GFUS: variants seen among roughly 807,000 people sequenced by gnomAD.
The protein encoded by GFUS is 3-5 epimerase/4-reductase.
In GFUS, 42 loss-of-function variants were observed where a neutral mutation model predicts 41.5. That is an observed-to-expected ratio of 1.01 (90% confidence interval 0.79 to 1.31). The LOEUF (loss-of-function observed/expected upper bound fraction) is 1.31. Among genes scored for constraint, GFUS ranks in the 50% most tolerant of loss-of-function variants. The probability of loss-of-function intolerance (pLI) is 0.00; values close to 1 mark genes in which losing one functional copy is unlikely to be tolerated. For missense variants in GFUS, 437 were observed against 428.7 expected (o/e 1.02, Z -0.17); for synonymous variants, 188 against 173.4 (o/e 1.08, Z -0.66).
At position 143,616,708 on chromosome 8, in the gene GFUS, C is replaced by T. The variant is rs768541996; in HGVS notation, c.5G>A (p.Gly2Asp). The T allele has an allele frequency of 6.2e-7, 1 of 1,613,492 alleles. No individual in the cohort carries two copies. Among genetic ancestry groups the T allele is most frequent in the African/African-American group, 1.3e-5 (1 of 74,890 alleles). The change falls in exon 2 of 11, where the codon GGT becomes GAT. Residue 2 changes from glycine to aspartate, a missense_variant. Physicochemically the swap from Gly to Asp is moderately conservative, Grantham distance 94. Coordinates refer to ENST00000425753, the MANE Select transcript of GFUS (RefSeq NM_003313.4). M[G>D]EPQGSMRILV... Reference sequence around the variant, plus strand: ...AATCCGCATGGATCCCTGGGGTTCACCCATGTCAGTTGCACCTGTAATGTC... The same window carrying T: ...AATCCGCATGGATCCCTGGGGTTCATCCATGTCAGTTGCACCTGTAATGTC...
intron 7 of GFUS, 129 bp downstream of exon 7, chr8:143,614,035 G>A: frequency 7.4e-7 from 1 of 1,350,920 alleles, no homozygotes; most frequent in Non-Finnish European, 1.0e-6. Flanking sequence ...GCTCCTCTTG[G>A]AGCTCAGCCC....
At chr8:143,616,080 T>C (rs1731840597) in intron 3 of GFUS, 26 bp downstream of exon 3, 1 of 1,533,376 alleles carries the variant, frequency 6.5e-7, no homozygotes, top group Admixed American at 1.9e-5. Context: ...TGGTTTCCAG[T>C]GCTTGCTGGG....
rs1020866018 is a variant in GFUS at position 143,616,133 on chromosome 8, C to T, written c.234G>A (p.Arg78=). ...HLAAMVGGLF[R]NIKYNLDFWR... ...AGAAGTCCAAATTGTATTTGATATT[C>T]CGGAACAGGCCCCCCACCATTGCAG... The change falls in exon 3 of 11, where the codon CGG becomes CGA. Residue 78 remains arginine (R), a synonymous_variant. Transcript: ENST00000425753. 3 of 1,608,178 alleles carry T rather than the reference C, an allele frequency of 1.9e-6. No individual in the cohort carries two copies. Among genetic ancestry groups the T allele is most frequent in the Admixed American group, 3.4e-5 (2 of 59,300 alleles).
intron 7 of GFUS, 146 bp downstream of exon 7, chr8:143,614,018 A>T: frequency 8.2e-7 from 1 of 1,225,198 alleles, no homozygotes; most frequent in East Asian, 2.5e-5. Flanking sequence ...CACGAGGACC[A>T]GAGATGGCTC....
chr8:143,616,970 C>T, intron 1 of GFUS: 2 of 570,168 alleles, frequency 3.5e-6, no homozygotes, highest in Non-Finnish European at 6.3e-6. Flanking sequence ...CAACCCACGA[C>T]TCCCCACTAG....
rs147368205 is a variant in GFUS, at chr8:143,614,826, G to A, written c.351C>T (p.Ile117=). ...RKVVSCLSTC[I]FPDKTTYPID... is the part of the protein sequence containing the mutation. ...TCGGGTAGGTCGTCTTGTCAGGGAA[G>A]ATACAGGTGGACAGGCAGGACACCA... Residue 117 remains isoleucine (I), a synonymous_variant, in exon 4 of 11, where the codon ATC becomes ATT. Coordinates refer to ENST00000425753, the MANE Select transcript of GFUS (RefSeq NM_003313.4). 2.5e-5 allele frequency: 40 copies of A among 1,613,674 alleles called. No individual in the cohort carries two copies. In the African/African-American group the frequency reaches 4.0e-4, roughly 16 times the overall value.
chr8:143,614,457 C>A lies in GFUS; in HGVS notation c.465-4G>T. 1 of 1,609,274 alleles carries A rather than the reference C, an allele frequency of 6.2e-7. No individual in the cohort carries two copies. The highest frequency in any genetic ancestry group is 1.1e-5 in the South Asian group (1 of 90,796). On this transcript the variant is annotated splice_region_variant and splice_polypyrimidine_tract_variant and intron_variant, in intron 5 of 10. Coordinates refer to ENST00000425753, the MANE Select transcript of GFUS (RefSeq NM_003313.4). ...GCCGTACTGCTGGAAGTAGGCCCTG[C>A]GGAGGCACAGCGTCTCCTGCCCTCG...
chr8:143,613,170 T>G, intron 10 of GFUS, 26 bp downstream of exon 10: 1 of 1,608,448 alleles, frequency 6.2e-7, no homozygotes, highest in East Asian at 2.2e-5. Context: ...CTCCACCAAG[T>G]GGAGGGCTGT....
Position 143,616,577 on chromosome 8 carries a change from C to G in GFUS, c.136G>C (p.Ala46Pro). The G allele has an allele frequency of 6.2e-7, 1 of 1,613,788 alleles. No homozygotes were observed. Among genetic ancestry groups the G allele is most frequent in the African/African-American group, 1.3e-5 (1 of 74,992 alleles). ...EDWVFVSSKD[A>P]DLTDTAQTRA... ...GATGGGCTCACTCACGTGAGATCGGCGTCTTTAGAGGAGACAAACACCCAG... is the reference window on the plus strand; with the variant it reads ...GATGGGCTCACTCACGTGAGATCGGGGTCTTTAGAGGAGACAAACACCCAG... Residue 46 changes from alanine to proline, a missense_variant, in exon 2 of 11, where the codon GCC becomes CCC. Physicochemically the swap from Ala to Pro is conservative, Grantham distance 27. Coordinates refer to ENST00000425753, the MANE Select transcript of GFUS (RefSeq NM_003313.4).
At chr8:143,614,489 G>A (rs1369311964) in intron 5 of GFUS, 36 bp from the exon 6 acceptor site, 1 of 1,588,212 alleles carries the variant, frequency 6.3e-7, no homozygotes, top group East Asian at 2.3e-5. Context: ...CTCGTCCTGG[G>A]CCCGCGATCC....
intron 2 of GFUS, 21 bp from the exon 3 acceptor site, chr8:143,616,241 AG>A (rs1338208900): frequency 9.3e-6 from 15 of 1,611,488 alleles, no homozygotes; most frequent in Admixed American, 1.7e-5. Context: ...CCAGGCTGTC[AG>A]GAGGCTCTGG....
intron 3 of GFUS, among the ~76,000 whole-genome samples, chr8:143,615,338 G>C (rs1829698029): frequency 6.6e-6 from 1 of 152,176 alleles, no homozygotes; most frequent in Non-Finnish European, 1.5e-5. Context: ...AGGATCAATG[G>C]AGCCTGCGCT....
chr8:143,614,420 G>A lies in GFUS; in HGVS notation c.498C>T (p.Thr166=), dbSNP rs746677892. ...CGAAGACGTTGGTGGGGATGACAGC[G>A]GTGAAGGTGCAGCCGTACTGCTGGA... ...AYFQQYGCTF[T]AVIPTNVFGP... The change falls in exon 6 of 11, where the codon ACC becomes ACT. Residue 166 remains threonine (T), a synonymous_variant. Transcript: ENST00000425753. The A allele has an allele frequency of 1.7e-5, 27 of 1,613,626 alleles. No individual in the cohort carries two copies. Among genetic ancestry groups the A allele is most frequent in the East Asian group, 4.5e-5 (2 of 44,892 alleles).
In GFUS at chr8:143,616,464, C is replaced by T. The variant is rs556281862; in HGVS notation, c.146+103G>A. 5.8e-6 allele frequency: 9 copies of T among 1,563,002 alleles called. No homozygotes were observed. The East Asian group carries it at 1.1e-4, about 20-fold the overall frequency. On this transcript the variant is annotated intron_variant, in intron 2 of 10. Transcript: ENST00000425753. ...ACCTGGCAGGAAGGACCCAGAAACA[C>T]AGCTACTGTTAGACTCAGCAACATG...
chr8:143,615,881 T>A (rs186322491), intron 3 of GFUS: 1 of 469,520 alleles, frequency 2.1e-6, no homozygotes, highest in Admixed American at 3.8e-5. Context: ...CTTTGCCTAC[T>A]GGGCCAAGTG....
Position 143,614,768 on chromosome 8 carries a change from G to GCC in GFUS, c.390+17_390+18dup, listed in dbSNP as rs1426748110. On this transcript the variant is annotated intron_variant, in intron 4 of 10. Coordinates refer to ENST00000425753, the MANE Select transcript of GFUS (RefSeq NM_003313.4). Reference sequence around the variant, plus strand: ...CACCGGCTCCCCGGCCCCACCCACAGCCAGGCCCTGCCCCTCACCATGGTC... The same window carrying GCC: ...CACCGGCTCCCCGGCCCCACCCACAGCCCCAGGCCCTGCCCCTCACCATGGTC... 4.3e-6 allele frequency: 7 copies of GCC among 1,613,260 alleles called. No individual in the cohort carries two copies. In the African/African-American group the frequency reaches 9.3e-5, roughly 22 times the overall value.
rs757919853 is a variant in GFUS at position 143,613,837 on chromosome 8, G to A, written c.664-20C>T. ...CAGGTCCTAGAGGTCAGACAGGCAG[G>A]GTCAGAGACCATGGGTATAGCCAAC... On this transcript the variant is annotated intron_variant, in intron 7 of 10. Transcript: ENST00000425753. 1.9e-6 allele frequency: 3 copies of A among 1,550,482 alleles called. No homozygotes were observed. Among genetic ancestry groups the A allele is most frequent in the Non-Finnish European group, 1.7e-6 (2 of 1,146,918 alleles).
At chr8:143,616,348 G>T (rs778768052) in intron 2 of GFUS, 128 bp from the exon 3 acceptor site, 3 of 1,172,044 alleles carry the variant, frequency 2.6e-6, no homozygotes, top group Admixed American at 1.8e-5. Flanking sequence ...CCCAGGGCCT[G>T]GCTGATATGA....
chr8:143,616,405 G>T lies in GFUS; in HGVS notation c.146+162C>A, dbSNP rs1829727326. 2.4e-6 allele frequency: 3 copies of T among 1,259,352 alleles called. No individual in the cohort carries two copies. The South Asian group carries it at 3.7e-5, about 16-fold the overall frequency. The allele number at this position is 1,259,352 out of a possible 1,614,324, so 78.0% of individuals were successfully genotyped here. A position where few individuals can be genotyped will look rare whatever the true frequency, so the allele number is the denominator to read the frequency against. ...GATGGGAGGGTGTTTGTTTTTCCAG[G>T]AACACAGCCAAGCACACCCAGGCCA... On this transcript the variant is annotated intron_variant, in intron 2 of 10. Coordinates refer to ENST00000425753, the MANE Select transcript of GFUS (RefSeq NM_003313.4).
Sources: allele counts gnomAD v4.1 joint callset (sites outside exome capture counted in the v4.1 genomes callset), GRCh38; gene constraint gnomAD v4.1.1; transcripts MANE v1.5; gene names NCBI Gene and HGNC (gene_info 2026-07-23, HGNC 2026-07-21).